The following MYH15 variants were observed in gnomAD, a reference collection of about 807,000 sequenced individuals.
MYH15 encodes myosin-15.
A neutral mutation model predicts 240.5 loss-of-function variants in MYH15; 227 were observed. The ratio of observed to expected loss-of-function variants is 0.94; its 90% CI spans 0.85 to 1.05. The LOEUF (loss-of-function observed/expected upper bound fraction) is 1.05. Among genes scored for constraint, MYH15 ranks in the 50% least tolerant of loss-of-function variants. The pLI is 0.00. For synonymous variants in MYH15, 785 were observed against 796.7 expected, an observed-to-expected ratio of 0.99 and a Z score of 0.25; for missense variants, 2,217 against 2,247.5, an observed-to-expected ratio of 0.99 and a Z score of 0.27.
Position 108,486,546 on chromosome 3 carries a change from C to T in MYH15, c.872-20G>A, listed in dbSNP as rs368032159. ...GCAGGTCTAGAGTGGGAAAACGATT[C>T]GTTAAACAGCTTAAAGAAATCTGCA... On this transcript the variant is annotated intron_variant, in intron 9 of 40. Coordinates refer to ENST00000693548, the MANE Select transcript of MYH15 (RefSeq NM_014981.3). 44 of 1,526,036 alleles carry T rather than the reference C, an allele frequency of 2.9e-5. No individual in the cohort carries two copies. In the African/African-American group the frequency reaches 3.0e-4, roughly 10 times the overall value. 94.5% of individuals were successfully genotyped at this position (1,526,036 alleles called of 1,614,324 possible).
At chr3:108,526,837 G>C (rs1166457348) in intron 1 of MYH15, among the ~76,000 whole-genome samples, 1 of 152,048 alleles carries the variant, frequency 6.6e-6, no homozygotes. Flanking sequence ...TGAGGAAAAG[G>C]GTGAGGACTG....
chr3:108,469,082 G>A (rs1248986299), intron 14 of MYH15, among the ~76,000 whole-genome samples: 2 of 152,114 alleles, frequency 1.3e-5, no homozygotes, highest in African/African-American at 2.4e-5. Flanking sequence ...AAATCAACGG[G>A]ATATCTACTC....
chr3:108,387,976 G>C (rs927883543), intron 38 of MYH15, among the ~76,000 whole-genome samples: 4 of 152,236 alleles, frequency 2.6e-5, no homozygotes, highest in African/African-American at 9.6e-5. Context: ...CCAGAATCAG[G>C]AGTAGCAGAT....
intron 1 of MYH15, 80 bp from the exon 2 acceptor site, chr3:108,505,909 G>T: frequency 1.2e-6 from 1 of 843,044 alleles, no homozygotes; most frequent in South Asian, 2.1e-5. Context: ...CATACTGATA[G>T]ATCTAATCTC....
the MYH15 span, among the ~76,000 whole-genome samples, chr3:108,537,178 T>C: frequency 6.6e-6 from 1 of 152,202 alleles, no homozygotes; most frequent in Admixed American, 6.6e-5. Context: ...CTTACAGAGA[T>C]GGGAGCAGGT....
upstream of MYH15, among the ~76,000 whole-genome samples, chr3:108,513,663 C>T (rs2083537433): frequency 6.6e-6 from 1 of 151,992 alleles, no homozygotes; most frequent in African/African-American, 2.4e-5. Flanking sequence ...TAAGACTGAC[C>T]CAAGTGAATA....
chr3:108,485,072 T>C lies in MYH15; in HGVS notation c.1114+19A>G. 1 of 1,612,574 alleles carries C rather than the reference T, an allele frequency of 6.2e-7. No homozygotes were observed. The highest frequency in any genetic ancestry group is 1.3e-5 in the African/African-American group (1 of 74,984). ...CCAGAGATTTGAAGTATATACCATA[T>C]CTTCAAAGTAATTCTTACTTTCTGT... On this transcript the variant is annotated intron_variant, in intron 11 of 40. Coordinates refer to ENST00000693548, the MANE Select transcript of MYH15 (RefSeq NM_014981.3).
chr3:108,381,493 A>G lies in MYH15; in HGVS notation c.*52T>C. 6.2e-7 allele frequency: 1 copy of G among 1,606,722 alleles called. No homozygotes were observed. The highest frequency in any genetic ancestry group is 2.2e-5 in the East Asian group (1 of 44,830). ...TGCAACCTAAGTTTTTGGCCATGAA[A>G]CAGCACCTTCCTTGTACTTCTCCAG... On this transcript the variant is annotated 3_prime_UTR_variant, in exon 41 of 41. Transcript: ENST00000693548.
At chr3:108,515,119 G>A (rs185800344), upstream of MYH15, among the ~76,000 whole-genome samples, 2 of 152,260 alleles carry the variant, frequency 1.3e-5, no homozygotes, top group Non-Finnish European at 2.9e-5. Flanking sequence ...ATGTCTGTAA[G>A]GTGACACTGG....
chr3:108,435,674 T>C (rs1464358172), intron 25 of MYH15, among the ~76,000 whole-genome samples: 1 of 137,684 alleles, frequency 7.3e-6, no homozygotes, highest in African/African-American at 2.9e-5. Flanking sequence ...TAGTCCACTG[T>C]GTATGTATAT....
intron 37 of MYH15, among the ~76,000 whole-genome samples, chr3:108,391,557 A>G (rs1156598078): frequency 6.6e-6 from 1 of 152,212 alleles, no homozygotes; most frequent in African/African-American, 2.4e-5. Flanking sequence ...CATCCAGTCC[A>G]AGGAAAGTCC....
chr3:108,540,412 T>C, the MYH15 span, among the ~76,000 whole-genome samples: 2 of 152,226 alleles, frequency 1.3e-5, no homozygotes, highest in Non-Finnish European at 2.9e-5. Context: ...AAGTATGGAA[T>C]TCCACTGACA....
the MYH15 span, among the ~76,000 whole-genome samples, chr3:108,541,076 T>C: frequency 8.6e-5 from 13 of 152,032 alleles, no homozygotes; most frequent in Non-Finnish European, 1.9e-4. Flanking sequence ...AAAGATACAC[T>C]ATGTTTTAGA....
At chr3:108,478,745 G>A (rs907280302) in intron 11 of MYH15, among the ~76,000 whole-genome samples, 2 of 151,916 alleles carry the variant, frequency 1.3e-5, no homozygotes, top group Non-Finnish European at 2.9e-5. Flanking sequence ...AGATAATACA[G>A]GTAATAATAG....
At chr3:108,406,830 G>A (rs1199020156) in intron 32 of MYH15, among the ~76,000 whole-genome samples, 2 of 152,300 alleles carry the variant, frequency 1.3e-5, no homozygotes, top group Middle Eastern at 3.4e-3. Context: ...CTTGACCCAC[G>A]TGATGATCGA....
In MYH15 at chr3:108,446,611, C is replaced by A. The variant is rs1473434404; in HGVS notation, c.2400-1716G>T. 2.0e-5 allele frequency among the ~76,000 whole-genome samples: 3 copies of A among 152,284 alleles called. No homozygotes were observed. In the East Asian group the frequency reaches 5.8e-4, roughly 29 times the overall value. On this transcript the variant is annotated intron_variant, in intron 21 of 40. Transcript: ENST00000693548. Reference sequence around the variant, plus strand: ...TAACCATCCCTAAAAAAATGGAGATCTACAAAGTAACAACTGGAGAAAGCA... The same window carrying A: ...TAACCATCCCTAAAAAAATGGAGATATACAAAGTAACAACTGGAGAAAGCA...
intron 12 of MYH15, among the ~76,000 whole-genome samples, chr3:108,473,882 G>A (rs975119787): frequency 3.9e-5 from 6 of 152,122 alleles, no homozygotes; most frequent in African/African-American, 1.4e-4. Context: ...TTGTCACAGT[G>A]ACTAAGAATG....
chr3:108,476,866 G>C (rs2083226010), intron 11 of MYH15, among the ~76,000 whole-genome samples: 1 of 152,126 alleles, frequency 6.6e-6, no homozygotes, highest in African/African-American at 2.4e-5. Flanking sequence ...CATGCATTGT[G>C]GGTGGGAATG....
chr3:108,422,950 T>C (rs1426071739), intron 27 of MYH15, among the ~76,000 whole-genome samples: 3 of 152,214 alleles, frequency 2.0e-5, no homozygotes, highest in Non-Finnish European at 2.9e-5. Flanking sequence ...GCTTCCTTCA[T>C]GCTATGTTGC....
Sources: allele counts gnomAD v4.1 joint callset (sites outside exome capture counted in the v4.1 genomes callset), GRCh38; gene constraint gnomAD v4.1.1; transcripts MANE v1.5; gene names NCBI Gene and HGNC (gene_info 2026-07-23, HGNC 2026-07-21).